The following TLN2 variants were observed in gnomAD, a reference collection of about 807,000 sequenced individuals.
TLN2 encodes talin 2.
In TLN2, 118 loss-of-function variants were observed where a neutral mutation model predicts 294.7. That is an observed-to-expected ratio of 0.40 (90% CI 0.34 to 0.47). TLN2 has a LOEUF of 0.47. Ranked by LOEUF, TLN2 falls within the 20% of genes least tolerant of loss-of-function variation. TLN2 has a pLI of 0.84. For synonymous variants in TLN2, 1,431 were observed against 1,304.5 expected (o/e 1.10, Z -2.09); for missense variants, 3,083 against 3,282.2 (o/e 0.94, Z 1.48).
At chr15:62,477,769 C>T (rs934820768) in intron 1 of TLN2, among the ~76,000 whole-genome samples, 1 of 151,828 alleles carries the variant, frequency 6.6e-6, no homozygotes, top group Admixed American at 6.6e-5. Context: ...GGGACTGGGG[C>T]AGAAACCTTC....
intron 16 of TLN2, among the ~76,000 whole-genome samples, chr15:62,700,167 A>G (rs537419333): frequency 6.6e-6 from 1 of 152,230 alleles, no homozygotes; most frequent in Non-Finnish European, 1.5e-5. Context: ...TCCCATATCC[A>G]GTATAATTGG....
At chr15:62,504,047 A>G (rs1036123720) in intron 1 of TLN2, among the ~76,000 whole-genome samples, 3 of 152,220 alleles carry the variant, frequency 2.0e-5, no homozygotes, top group African/African-American at 2.4e-5. Context: ...TGTAAGGTTC[A>G]TGAAAGAACT....
At chr15:62,698,187 T>G (rs1030336987) in intron 15 of TLN2, among the ~76,000 whole-genome samples, 10 of 152,028 alleles carry the variant, frequency 6.6e-5, no homozygotes, top group African/African-American at 2.4e-4. Context: ...GTCGACCAGG[T>G]TTTTAGTGAT....
At chr15:62,717,160 A>T (rs2059829728) in intron 23 of TLN2, among the ~76,000 whole-genome samples, 1 of 152,182 alleles carries the variant, frequency 6.6e-6, no homozygotes, top group South Asian at 2.1e-4. Context: ...GCATTTTGGA[A>T]CTAAGGCTTC....
chr15:62,434,535 C>T (rs536914976), intron 1 of TLN2, among the ~76,000 whole-genome samples: 2 of 152,190 alleles, frequency 1.3e-5, no homozygotes, highest in Non-Finnish European at 1.5e-5. Flanking sequence ...GGGATAAAGT[C>T]CTAAAACAGT....
At position 62,585,495 on chromosome 15, in the gene TLN2, G is replaced by T. The variant is rs537283718; in HGVS notation, c.-237-4192G>T. ...GGTGTACTTAAGCTTCCCTGAGCAA[G>T]TAGGAAGGGGTTGGGGATGCAGGAG... On this transcript the variant is annotated intron_variant, in intron 1 of 58. Coordinates refer to ENST00000636159, the MANE Select transcript of TLN2 (RefSeq NM_015059.3). Among the ~76,000 whole-genome samples the T allele has an allele frequency of 2.1e-4, 32 of 152,262 alleles. No individual in the cohort carries two copies. The Middle Eastern group carries it at 0.01, about 49-fold the overall frequency.
chr15:62,463,155 G>A (rs996841221), intron 1 of TLN2, among the ~76,000 whole-genome samples: 4 of 152,194 alleles, frequency 2.6e-5, no homozygotes, highest in African/African-American at 9.7e-5. Flanking sequence ...AGTGAGGAAA[G>A]AAGATAAAAG....
Position 62,820,569 on chromosome 15 carries a change from G to A in TLN2, c.6961G>A (p.Ala2321Thr). ...GGCTGCAGCATCCATCGAAGCTGCT[G>A]CTAAGAAGTTAGAGCAACTGAAGCC... ...LGAAASIEAAAKKLEQLKPRA... is the reference protein window; with the variant it reads ...LGAAASIEAATKKLEQLKPRA... Residue 2321 changes from alanine (A) to threonine (T), a missense_variant, in exon 54 of 59, where the codon GCT becomes ACT. Physicochemically the swap from Ala to Thr is moderately conservative, Grantham distance 58 (BLOSUM62 0). Coordinates refer to ENST00000636159, the MANE Select transcript of TLN2 (RefSeq NM_015059.3). The A allele has an allele frequency of 6.2e-7, 1 of 1,613,978 alleles. No homozygotes were observed. The highest frequency in any genetic ancestry group is 1.1e-5 in the South Asian group (1 of 91,062).
chr15:62,442,220 G>T (rs998411227), intron 1 of TLN2, among the ~76,000 whole-genome samples: 4 of 152,012 alleles, frequency 2.6e-5, no homozygotes, highest in African/African-American at 9.7e-5. Context: ...ATGTGGCCTG[G>T]TGTGTTGCCT....
At position 62,761,694 on chromosome 15, in the gene TLN2, A is replaced by T. The variant is rs1567547637; in HGVS notation, c.4652A>T (p.Asp1551Val). 6.2e-7 allele frequency: 1 copy of T among 1,614,058 alleles called. No individual in the cohort carries two copies. The highest frequency in any genetic ancestry group is 2.2e-5 in the East Asian group (1 of 44,872). Residue 1551 changes from aspartate to valine, a missense_variant, in exon 38 of 59, where the codon GAT becomes GTT. Transcript: ENST00000636159. ...TTCTCCCATCAGGCCCTGGATGGGG[A>T]TTTCTCTGAAGACAACCGCAATAAG... Reference protein sequence around the residue: ...LVKTIKALDGDFSEDNRNKCR... With the variant: ...LVKTIKALDGVFSEDNRNKCR...
intron 11 of TLN2, chr15:62,684,001 G>A (rs1358285501): frequency 3.3e-5 from 5 of 152,418 alleles, no homozygotes; most frequent in Non-Finnish European, 5.9e-5. Context: ...GCTGCTCTGC[G>A]TTTTGTGTGT....
At chr15:62,742,538 CAG>C (rs1567508021) in intron 32 of TLN2, among the ~76,000 whole-genome samples, 9 of 152,028 alleles carry the variant, frequency 5.9e-5, no homozygotes. Flanking sequence ...TAGAAGGAAA[CAG>C]AGCCGGAAAG....
chr15:62,787,553 A>G (rs541016704), intron 45 of TLN2, among the ~76,000 whole-genome samples: 27 of 152,316 alleles, frequency 1.8e-4, no homozygotes, highest in African/African-American at 5.8e-4. Context: ...TTGCCAATTT[A>G]AAACCCCACA....
At chr15:62,428,125 T>C (rs1326459376) in intron 1 of TLN2, among the ~76,000 whole-genome samples, 1 of 152,146 alleles carries the variant, frequency 6.6e-6, no homozygotes, top group Non-Finnish European at 1.5e-5. Flanking sequence ...AGAAAGGAGA[T>C]TGATTTATTT....
intron 51 of TLN2, 26 bp downstream of exon 51, chr15:62,805,811 T>G (rs1416007302): frequency 3.7e-6 from 6 of 1,602,728 alleles, no homozygotes; most frequent in Non-Finnish European, 5.1e-6. Flanking sequence ...TGGTTTTGGA[T>G]GGACAGATGA....
In TLN2 at chr15:62,750,430, A is replaced by C; in HGVS notation, c.4148A>C (p.Asn1383Thr). The C allele has an allele frequency of 1.2e-6, 2 of 1,614,208 alleles. No individual in the cohort carries two copies. Among genetic ancestry groups the C allele is most frequent in the Non-Finnish European group, 1.7e-6 (2 of 1,180,030 alleles). The change falls in exon 34 of 59, where the codon AAT becomes ACT. Residue 1383 changes from asparagine (N) to threonine (T), a missense_variant. Transcript: ENST00000636159. ...ETVKGMLDNP[N>T]EPVSDLSYFD... ...GTGAAGGGGATGTTGGACAATCCTA[A>C]TGAACCTGTTAGTGACCTCTCTTAC...
intron 1 of TLN2, among the ~76,000 whole-genome samples, chr15:62,482,131 A>G (rs2038134729): frequency 6.6e-6 from 1 of 152,126 alleles, no homozygotes; most frequent in African/African-American, 2.4e-5. Flanking sequence ...TTGTTATATA[A>G]AACGATAAAT....
intron 1 of TLN2, among the ~76,000 whole-genome samples, chr15:62,484,167 G>T (rs551811612): frequency 1.1e-4 from 16 of 152,258 alleles, no homozygotes; most frequent in African/African-American, 3.4e-4. Context: ...GGTCAGGGTG[G>T]GTGTGGCTGC....
chr15:62,701,958 C>G lies in TLN2; in HGVS notation c.1697-34C>G, dbSNP rs373195239. ...AAAATTCTCACCAGAACCATGTGCC[C>G]TCCTTTGATGGGGATGGTTCTTTTC... On this transcript the variant is annotated intron_variant, in intron 17 of 58. Transcript: ENST00000636159. 31 of 1,609,068 alleles carry G rather than the reference C, an allele frequency of 1.9e-5. No homozygotes were observed. In the African/African-American group the frequency reaches 3.6e-4, roughly 19 times the overall value.
Sources: gnomAD v4.1 joint callset for allele counts (sites outside exome capture counted in the v4.1 genomes callset) on GRCh38, gnomAD v4.1.1 for gene constraint, MANE v1.5 for transcripts, NCBI Gene and HGNC (gene_info 2026-07-23, HGNC 2026-07-21) for gene names.